GLIS3: variants seen among roughly 807,000 people sequenced by gnomAD.
The protein encoded by GLIS3 is GLIS family zinc finger 3, also known as zinc finger protein GLIS3.
In GLIS3, 53 loss-of-function variants were observed where a neutral mutation model predicts 78.6. The observed-to-expected ratio is 0.67, with a 90% confidence interval of 0.54 to 0.85. The LOEUF is 0.85. Among genes scored for constraint, GLIS3 ranks in the 40% least tolerant of loss-of-function variants. The pLI, the probability that GLIS3 is intolerant of heterozygous loss-of-function variation, is 0.00. For synonymous variants in GLIS3, 684 were observed against 509.9 expected (o/e 1.34, Z -4.60); for missense variants, 1,703 against 1,231.1 (o/e 1.38, Z -5.74).
the GLIS3 span, among the ~76,000 whole-genome samples, chr9:4,468,680 A>T: frequency 4.5e-4 from 68 of 152,290 alleles, no homozygotes; most frequent in Admixed American, 2.6e-3. Context: ...ACTGCAAAAA[A>T]CATGCCAATT....
intron 4 of GLIS3, among the ~76,000 whole-genome samples, chr9:4,062,759 C>A (rs1339345723): frequency 6.6e-6 from 1 of 152,078 alleles, no homozygotes; most frequent in African/African-American, 2.4e-5. Flanking sequence ...AACCCCATCT[C>A]TACTAAAAAT....
chr9:3,977,871 G>A lies in GLIS3; in HGVS notation c.1711-40682C>T, dbSNP rs1238882119. 6.6e-6 allele frequency among the ~76,000 whole-genome samples: 1 copy of A among 152,172 alleles called. No individual in the cohort carries two copies. The highest frequency in any genetic ancestry group is 1.5e-5 in the Non-Finnish European group (1 of 68,036). ...GCTGTTGCATCCAGCTGGTGAGGAG[G>A]TCTAATTTCACACCACGCAGCAATG... On this transcript the variant is annotated intron_variant, in intron 4 of 10. Transcript: ENST00000381971. The surrounding 1 kb of genome is among the most constrained non-coding windows in gnomAD (Gnocchi z 4.1).
rs570102631 is a variant in GLIS3 at position 4,211,094 on chromosome 9, G to C, written c.388+74944C>G. ...CCCTCAACAAGGCTAAATTCCTTGA[G>C]CATCTGCACCATCCACACTCCACCA... On this transcript the variant is annotated intron_variant, in intron 2 of 10. Transcript: ENST00000381971. 1.2e-4 allele frequency among the ~76,000 whole-genome samples: 19 copies of C among 152,286 alleles called. No homozygotes were observed. The South Asian group carries it at 2.3e-3, about 18-fold the overall frequency.
the GLIS3 span, among the ~76,000 whole-genome samples, chr9:4,417,985 A>G: frequency 6.6e-6 from 1 of 152,246 alleles, no homozygotes; most frequent in Non-Finnish European, 1.5e-5. Context: ...ACTTTGCACA[A>G]TATCTAGCAT....
chr9:3,923,280 C>T (rs2130739164), intron 6 of GLIS3, among the ~76,000 whole-genome samples: 1 of 152,312 alleles, frequency 6.6e-6, no homozygotes, highest in Non-Finnish European at 1.5e-5. Context: ...ACATAAGGCC[C>T]TTTAGCACTG....
chr9:4,285,884 C>T (rs1827943491), intron 2 of GLIS3, 154 bp downstream of exon 2: 4 of 901,026 alleles, frequency 4.4e-6, no homozygotes, highest in East Asian at 5.0e-5. Flanking sequence ...CACACCCATT[C>T]CCTTACTGAG....
At chr9:4,393,311 A>C in the GLIS3 span, among the ~76,000 whole-genome samples, 1 of 152,168 alleles carries the variant, frequency 6.6e-6, no homozygotes, top group Admixed American at 6.5e-5. Context: ...ATTTGAGAGT[A>C]AGTTTGGAGA....
intron 2 of GLIS3, among the ~76,000 whole-genome samples, chr9:4,163,628 C>G (rs970984395): frequency 6.6e-6 from 1 of 152,188 alleles, no homozygotes; most frequent in Non-Finnish European, 1.5e-5. Flanking sequence ...GATTCACATT[C>G]TAGGCCCATT....
chr9:4,081,466 C>T (rs1409798671), intron 4 of GLIS3: 1 of 152,200 alleles, frequency 6.6e-6, no homozygotes, highest in African/African-American at 2.4e-5. Flanking sequence ...TGTCAGTCCT[C>T]TCATGAGGAA....
the GLIS3 span, among the ~76,000 whole-genome samples, chr9:4,392,117 A>G: frequency 6.6e-6 from 1 of 152,188 alleles, no homozygotes; most frequent in Non-Finnish European, 1.5e-5. Context: ...TGAACCTGAA[A>G]GCAATTAGCT....
chr9:4,029,565 C>T (rs1009840506), intron 4 of GLIS3, among the ~76,000 whole-genome samples: 7 of 151,970 alleles, frequency 4.6e-5, no homozygotes, highest in African/African-American at 1.5e-4. Context: ...TTTTTTTGGA[C>T]CCACTAACCA....
the GLIS3 span, among the ~76,000 whole-genome samples, chr9:4,353,409 C>G: frequency 2.0e-5 from 3 of 152,120 alleles, no homozygotes; most frequent in Non-Finnish European, 4.4e-5. Context: ...TGGGAGTTAA[C>G]GAGCAGCAAA....
chr9:4,190,463 G>T (rs966082967), intron 2 of GLIS3, among the ~76,000 whole-genome samples: 1 of 139,832 alleles, frequency 7.2e-6, no homozygotes, highest in African/African-American at 2.5e-5. Context: ...GAAATGAAGC[G>T]AGAAGGGAAG....
At chr9:3,932,288 C>T in intron 6 of GLIS3, 72 bp downstream of exon 6, 1 of 1,191,266 alleles carries the variant, frequency 8.4e-7, no homozygotes, top group South Asian at 1.2e-5. Context: ...AAGTGCCCTG[C>T]AGAAGCTTCG....
chr9:4,117,604 A>G (rs1260753379), intron 4 of GLIS3, among the ~76,000 whole-genome samples, 164 bp downstream of exon 4: 4 of 152,146 alleles, frequency 2.6e-5, no homozygotes, highest in African/African-American at 9.7e-5. Context: ...GCCACTAACC[A>G]TGAAAGAAAT....
In GLIS3 at chr9:3,863,745, G is replaced by A. The variant is rs565406415; in HGVS notation, c.2298-7561C>T. Among the ~76,000 whole-genome samples the A allele has an allele frequency of 2.6e-5, 4 of 152,316 alleles. No homozygotes were observed. In the East Asian group the frequency reaches 7.7e-4, roughly 29 times the overall value. Reference sequence around the variant, plus strand: ...AGAAACAGAAAGGACAGAGTGTTCTGGAGGAAAGTTTCTCCTCTTGGGTGT... The same window carrying A: ...AGAAACAGAAAGGACAGAGTGTTCTAGAGGAAAGTTTCTCCTCTTGGGTGT... On this transcript the variant is annotated intron_variant, in intron 8 of 10. Transcript: ENST00000381971.
intron 4 of GLIS3, among the ~76,000 whole-genome samples, chr9:4,040,158 G>C (rs890452056): frequency 6.6e-6 from 1 of 152,078 alleles, no homozygotes; most frequent in Admixed American, 6.5e-5. Flanking sequence ...ATTTATGGAG[G>C]GGTGGTGATT....
In GLIS3 at chr9:4,237,414, G is replaced by C. The variant is rs181985143; in HGVS notation, c.388+48624C>G. Among the ~76,000 whole-genome samples the C allele has an allele frequency of 2.9e-3, 443 of 152,132 alleles. 2 individuals carry two copies. Among genetic ancestry groups the C allele is most frequent in the African/African-American group, 0.01 (424 of 41,518 alleles). On this transcript the variant is annotated intron_variant, in intron 2 of 10. Coordinates refer to ENST00000381971, the MANE Select transcript of GLIS3 (RefSeq NM_001042413.2). The stretch of plus-strand genomic sequence containing the variant: ...GAATTAAGTCTATAATATAACTACA[G>C]GTATTTTAACATAAATATGCAAAAA...
chr9:4,154,229 T>C (rs1226598102), intron 2 of GLIS3, among the ~76,000 whole-genome samples: 1 of 152,048 alleles, frequency 6.6e-6, no homozygotes, highest in Non-Finnish European at 1.5e-5. Context: ...CCCATGCAAA[T>C]TCAAGGGGGT....
Sources: allele counts gnomAD v4.1 joint callset (sites outside exome capture counted in the v4.1 genomes callset), GRCh38; gene constraint gnomAD v4.1.1; non-coding constraint Gnocchi (gnomAD v3.1); transcripts MANE v1.5; gene names NCBI Gene and HGNC (gene_info 2026-07-23, HGNC 2026-07-21).